The following C13orf42 variants were observed in gnomAD, a reference collection of about 807,000 sequenced individuals.
C13orf42 encodes uncharacterized protein C13orf42.
chr13:51,109,088 A>T (rs1219784322), intron 1 of C13orf42, among the ~76,000 whole-genome samples: 1 of 152,216 alleles, frequency 6.6e-6, no homozygotes, highest in Non-Finnish European at 1.5e-5. Context: ...CTGTCATCAG[A>T]GGTGGCTGGC....
intron 1 of C13orf42, among the ~76,000 whole-genome samples, chr13:51,149,870 A>G (rs1953766220): frequency 6.6e-6 from 1 of 152,232 alleles, no homozygotes; most frequent in South Asian, 2.1e-4. Context: ...AGAAACAGCA[A>G]GAACAAAAAG....
intron 1 of C13orf42, among the ~76,000 whole-genome samples, chr13:51,146,190 A>C (rs112332080): frequency 4.6e-5 from 7 of 151,566 alleles, no homozygotes; most frequent in African/African-American, 1.7e-4. Context: ...AAAGGCACCC[A>C]AAATTAACCT....
intron 1 of C13orf42, among the ~76,000 whole-genome samples, chr13:51,098,820 G>A (rs1953260137): frequency 6.6e-6 from 1 of 151,786 alleles, no homozygotes; most frequent in South Asian, 2.1e-4. Context: ...TATGAACATC[G>A]AGCATCTATT....
At chr13:51,129,019 A>G (rs1397246742) in intron 1 of C13orf42, among the ~76,000 whole-genome samples, 1 of 152,136 alleles carries the variant, frequency 6.6e-6, no homozygotes, top group Non-Finnish European at 1.5e-5. Flanking sequence ...ACTGCCCCCT[A>G]ATGGTATTTA....
At chr13:51,085,035 G>A (rs1428064912) in intron 3 of C13orf42, among the ~76,000 whole-genome samples, 1 of 152,040 alleles carries the variant, frequency 6.6e-6, no homozygotes, top group Non-Finnish European at 1.5e-5. Context: ...ATCCATGAAG[G>A]TGGATGGCAC....
At chr13:51,144,294 T>G (rs1008269577) in intron 1 of C13orf42, among the ~76,000 whole-genome samples, 3 of 151,984 alleles carry the variant, frequency 2.0e-5, no homozygotes, top group Non-Finnish European at 4.4e-5. Flanking sequence ...TTTTACTTTT[T>G]GCTTAATATG....
intron 1 of C13orf42, among the ~76,000 whole-genome samples, chr13:51,133,665 T>C (rs191576705): frequency 1.2e-3 from 180 of 152,294 alleles, no homozygotes; most frequent in African/African-American, 4.3e-3. Flanking sequence ...AGGAAAGGTG[T>C]GGGTGCCCGG....
At chr13:51,138,329 G>A (rs909899442) in intron 1 of C13orf42, among the ~76,000 whole-genome samples, 3 of 152,094 alleles carry the variant, frequency 2.0e-5, no homozygotes, top group Non-Finnish European at 4.4e-5. Context: ...TTTGCGTGTA[G>A]GTTAAAATCT....
At chr13:51,131,104 C>T (rs758618432) in intron 1 of C13orf42, among the ~76,000 whole-genome samples, 19 of 152,106 alleles carry the variant, frequency 1.2e-4, no homozygotes, top group African/African-American at 2.4e-4. Context: ...CGCTTAAAAC[C>T]GTGCTGATCC....
intron 1 of C13orf42, among the ~76,000 whole-genome samples, chr13:51,136,043 T>A (rs1953655267): frequency 6.6e-6 from 1 of 151,970 alleles, no homozygotes; most frequent in African/African-American, 2.4e-5. Context: ...AGGTCACGGG[T>A]GAGAGTTAAG....
At chr13:51,172,097 C>T (rs1382805273) in intron 1 of C13orf42, 1 of 152,156 alleles carries the variant, frequency 6.6e-6, no homozygotes, top group Non-Finnish European at 1.5e-5. Context: ...TGAACCGCAG[C>T]GGCCAGGCGT....
intron 1 of C13orf42, among the ~76,000 whole-genome samples, chr13:51,101,368 T>A (rs1953288495): frequency 6.6e-6 from 1 of 152,258 alleles, no homozygotes; most frequent in Non-Finnish European, 1.5e-5. Context: ...ATGAATTTCA[T>A]CTTATAAGCA....
chr13:51,149,016 C>G (rs74538133), intron 1 of C13orf42, among the ~76,000 whole-genome samples: 3,836 of 152,262 alleles, frequency 0.025, 156 homozygotes, highest in African/African-American at 0.081. Flanking sequence ...CCACCTCCTG[C>G]CCCACACAGT....
At chr13:51,136,464 T>G (rs1357415588) in intron 1 of C13orf42, among the ~76,000 whole-genome samples, 2 of 152,172 alleles carry the variant, frequency 1.3e-5, no homozygotes, top group Non-Finnish European at 2.9e-5. Flanking sequence ...CTTTTAGTCG[T>G]GGCAGAGAAG....
At chr13:51,101,515 A>G in intron 1 of C13orf42, among the ~76,000 whole-genome samples, 1 of 152,094 alleles carries the variant, frequency 6.6e-6, no homozygotes, top group Non-Finnish European at 1.5e-5. Flanking sequence ...TATTCCACTA[A>G]AAAAAAGAAA....
chr13:51,085,647 A>C (rs946075291), intron 2 of C13orf42, 88 bp from the exon 3 acceptor site: 1 of 397,582 alleles, frequency 2.5e-6, no homozygotes. Context: ...TGGACTGAAC[A>C]CTCACAGGAA....
At chr13:51,128,210 T>C (rs992456175) in intron 1 of C13orf42, among the ~76,000 whole-genome samples, 4 of 152,264 alleles carry the variant, frequency 2.6e-5, no homozygotes, top group African/African-American at 9.6e-5. Context: ...GGGGCTGCTC[T>C]GCCTATGGAG....
intron 1 of C13orf42, among the ~76,000 whole-genome samples, chr13:51,107,314 T>A (rs548152704): frequency 9.9e-4 from 150 of 151,912 alleles, no homozygotes; most frequent in South Asian, 2.7e-3. Context: ...ACAATTTTTT[T>A]AAAAAAAAAT....
At chr13:51,097,111 C>A (rs912381496) in intron 1 of C13orf42, among the ~76,000 whole-genome samples, 3 of 152,210 alleles carry the variant, frequency 2.0e-5, no homozygotes, top group Non-Finnish European at 4.4e-5. Flanking sequence ...TCCTCCTCAT[C>A]CCTTTTAATA....
Sources: gnomAD v4.1 joint callset for allele counts (sites outside exome capture counted in the v4.1 genomes callset) on GRCh38, gnomAD v4.1.1 for gene constraint, MANE v1.5 for transcripts, NCBI Gene and HGNC (gene_info 2026-07-23, HGNC 2026-07-21) for gene names.